The following DLGAP2 variants were observed in gnomAD, a reference collection of about 807,000 sequenced individuals.
The protein encoded by DLGAP2 is DLG associated protein 2, also known as disks large-associated protein 2.
Under a neutral mutation model 100.3 loss-of-function variants are expected in DLGAP2, and 26 were observed. The observed-to-expected ratio is 0.26, with a 90% confidence interval of 0.19 to 0.36. The LOEUF (loss-of-function observed/expected upper bound fraction) is 0.36, where lower values mean the gene tolerates loss of function less well. Among genes scored for constraint, DLGAP2 ranks in the 10% least tolerant of loss-of-function variants. The pLI is 1.00. For missense variants in DLGAP2, 1,858 were observed against 1,453.2 expected (o/e 1.28, Z -4.53); for synonymous variants, 886 against 630.1 (o/e 1.41, Z -6.08).
intron 12 of DLGAP2, among the ~76,000 whole-genome samples, chr8:1,690,353 C>G (rs886736128): frequency 6.6e-6 from 1 of 151,668 alleles, no homozygotes; most frequent in Non-Finnish European, 1.5e-5. Flanking sequence ...GAGACTCCAT[C>G]TCAAGAAAAT....
chr8:1,138,748 C>T (rs567332987), intron 2 of DLGAP2, among the ~76,000 whole-genome samples: 16 of 152,320 alleles, frequency 1.1e-4, no homozygotes, highest in Middle Eastern at 3.4e-3. Flanking sequence ...CTGGCCTGTG[C>T]GGCTGGTGGG....
At chr8:1,261,582 G>A (rs919662822) in intron 3 of DLGAP2, among the ~76,000 whole-genome samples, 4 of 151,838 alleles carry the variant, frequency 2.6e-5, no homozygotes, top group Non-Finnish European at 5.9e-5. Flanking sequence ...CTGGGCAGTG[G>A]GGGGTGGGGC....
At chr8:1,215,254 A>G (rs1467714273) in intron 2 of DLGAP2, among the ~76,000 whole-genome samples, 1 of 152,256 alleles carries the variant, frequency 6.6e-6, no homozygotes, top group African/African-American at 2.4e-5. Flanking sequence ...GAGAAGAGAA[A>G]GTCAAATTAA....
At chr8:1,575,379 T>G (rs1249345092) in intron 6 of DLGAP2, among the ~76,000 whole-genome samples, 1 of 151,570 alleles carries the variant, frequency 6.6e-6, no homozygotes, top group Non-Finnish European at 1.5e-5. Context: ...GGAATGGAGG[T>G]TACAGAAGCT....
At chr8:1,214,006 G>C (rs1199898272) in intron 2 of DLGAP2, among the ~76,000 whole-genome samples, 9 of 148,086 alleles carry the variant, frequency 6.1e-5, no homozygotes, top group Non-Finnish European at 1.5e-5. Context: ...TCCATTCAGA[G>C]ACCCGGCTGT....
intron 1 of DLGAP2, among the ~76,000 whole-genome samples, chr8:743,798 C>G (rs1820547083): frequency 6.6e-6 from 1 of 152,252 alleles, no homozygotes; most frequent in African/African-American, 2.4e-5. Context: ...CTCCTGGGCT[C>G]TAGCCATCAG....
At chr8:1,436,734 C>T (rs995608211) in intron 3 of DLGAP2, among the ~76,000 whole-genome samples, 1 of 152,180 alleles carries the variant, frequency 6.6e-6, no homozygotes, top group Non-Finnish European at 1.5e-5. Flanking sequence ...CCCATTCACT[C>T]ACCCACTTAC....
chr8:1,595,922 G>A (rs1478934940), intron 6 of DLGAP2, among the ~76,000 whole-genome samples: 1 of 151,210 alleles, frequency 6.6e-6, no homozygotes, highest in Non-Finnish European at 1.5e-5. Context: ...TGCACAACGG[G>A]CAGGTTTGTT....
Position 1,549,149 on chromosome 8 carries a change from G to C in DLGAP2, c.696G>C (p.Leu232=), listed in dbSNP as rs975426446. ...AGAGCCCCGGGCGGATCCGCCACCT[G>C]GTACACTCCGTGCAGAAGCTCTTCA... ...RSESPGRIRH[L]VHSVQKLFTK... is the part of the protein sequence containing the mutation. The change falls in exon 5 of 15, where the codon CTG becomes CTC. Residue 232 remains leucine, a synonymous_variant. Coordinates refer to ENST00000637795, the MANE Select transcript of DLGAP2 (RefSeq NM_001346810.2). 6 of 1,594,624 alleles carry C rather than the reference G, an allele frequency of 3.8e-6. No individual in the cohort carries two copies. Among genetic ancestry groups the C allele is most frequent in the Non-Finnish European group, 4.3e-6 (5 of 1,171,932 alleles).
chr8:1,601,493 G>A (rs558720117), intron 6 of DLGAP2, among the ~76,000 whole-genome samples: 66 of 152,328 alleles, frequency 4.3e-4, no homozygotes, highest in Non-Finnish European at 8.4e-4. Flanking sequence ...TCCCCCGGGT[G>A]CTCTGTCCCA....
intron 3 of DLGAP2, among the ~76,000 whole-genome samples, chr8:1,463,023 T>C (rs1024064519): frequency 6.6e-6 from 1 of 151,232 alleles, no homozygotes; most frequent in Non-Finnish European, 1.5e-5. Context: ...CTGAGGCGGG[T>C]GGATCATTTG....
chr8:1,339,476 C>T (rs1016400897), intron 3 of DLGAP2, among the ~76,000 whole-genome samples: 1 of 152,218 alleles, frequency 6.6e-6, no homozygotes, highest in African/African-American at 2.4e-5. Flanking sequence ...AGGGACCCTC[C>T]CTTGGTGAGC....
intron 2 of DLGAP2, among the ~76,000 whole-genome samples, chr8:1,010,809 G>T (rs1012273111): frequency 6.6e-6 from 1 of 152,206 alleles, no homozygotes; most frequent in Non-Finnish European, 1.5e-5. Flanking sequence ...ACACCTCAGA[G>T]ATCTAAACCC....
chr8:870,820 C>T (rs184271855), intron 1 of DLGAP2, among the ~76,000 whole-genome samples: 35 of 152,126 alleles, frequency 2.3e-4, no homozygotes, highest in Middle Eastern at 3.4e-3. Context: ...GCTGCCGGGC[C>T]GGGCCTGGAG....
chr8:1,252,861 C>T (rs139081591), intron 2 of DLGAP2, among the ~76,000 whole-genome samples: 3 of 152,318 alleles, frequency 2.0e-5, no homozygotes, highest in African/African-American at 7.2e-5. Context: ...AGAGGAAAGA[C>T]GTTGGTGTTT....
At chr8:902,895 G>GGGTGGAACGTGTGCGGGTGGGCGGGGGC (rs1350157372) in intron 1 of DLGAP2, among the ~76,000 whole-genome samples, 1 of 67,278 alleles carries the variant, frequency 1.5e-5, no homozygotes, top group Non-Finnish European at 2.9e-5. Flanking sequence ...AGGGGTGGGT[G>GGGTGGAACGTGTGCGGGTGGGCGGGGGC]GGTGGAACGT....
chr8:916,848 A>T (rs559627276), intron 2 of DLGAP2, among the ~76,000 whole-genome samples: 52 of 152,242 alleles, frequency 3.4e-4, no homozygotes, highest in African/African-American at 1.2e-3. Context: ...TTTGGTCTGG[A>T]AGCCTGGAGT....
intron 3 of DLGAP2, among the ~76,000 whole-genome samples, chr8:1,450,783 G>A (rs1259865428): frequency 6.6e-6 from 1 of 152,112 alleles, no homozygotes; most frequent in Non-Finnish European, 1.5e-5. Context: ...ACGTTCCCAA[G>A]CCTGGGAGAC....
intron 3 of DLGAP2, among the ~76,000 whole-genome samples, chr8:1,334,574 C>T (rs562040662): frequency 1.9e-4 from 29 of 152,162 alleles, no homozygotes; most frequent in African/African-American, 6.3e-4. Context: ...AGAGGTGGGC[C>T]CTTCCCCACC....
Sources: gnomAD v4.1 joint callset for allele counts (sites outside exome capture counted in the v4.1 genomes callset) on GRCh38, gnomAD v4.1.1 for gene constraint, MANE v1.5 for transcripts, NCBI Gene and HGNC (gene_info 2026-07-23, HGNC 2026-07-21) for gene names.